The following TMEFF2 variants were observed in gnomAD, a reference collection of about 807,000 sequenced individuals.
TMEFF2 encodes the protein tomoregulin-2.
Under a neutral mutation model 53.8 loss-of-function variants are expected in TMEFF2, and 28 were observed. The observed-to-expected ratio is 0.52, with a 90% CI of 0.39 to 0.71. The LOEUF (loss-of-function observed/expected upper bound fraction) is 0.71, where lower values mean the gene tolerates loss of function less well. Ranked by LOEUF, TMEFF2 falls within the 30% of genes least tolerant of loss-of-function variation. TMEFF2 has a pLI of 0.00. For synonymous variants in TMEFF2, 162 were observed against 166.3 expected (o/e 0.97, Z 0.20); for missense variants, 353 against 455.2 (o/e 0.78, Z 2.04).
chr2:191,988,219 A>C (rs1002884234), intron 7 of TMEFF2, among the ~76,000 whole-genome samples: 1 of 152,198 alleles, frequency 6.6e-6, no homozygotes, highest in Non-Finnish European at 1.5e-5. Flanking sequence ...TATTAAAACC[A>C]TCTTACAGAT....
In TMEFF2 at chr2:192,194,641, G is replaced by A; in HGVS notation, c.-117C>T. ...CGGCGGCAGCAGAGGCGGCGGCGGT[G>A]GCAGTGGCACCCGGCGGGGAAGCAG... On this transcript the variant is annotated 5_prime_UTR_variant, in exon 1 of 10. Transcript: ENST00000272771. The surrounding 1 kb of genome is among the most constrained non-coding windows in gnomAD (Gnocchi z 4.2). The A allele has an allele frequency of 8.4e-7, 1 of 1,187,720 alleles. No homozygotes were observed. The highest frequency in any genetic ancestry group is 1.2e-6 in the Non-Finnish European group (1 of 840,440). 73.6% of individuals were successfully genotyped at this position (1,187,720 alleles called of 1,614,324 possible).
intron 4 of TMEFF2, among the ~76,000 whole-genome samples, chr2:192,115,377 C>T (rs1303067443): frequency 1.3e-5 from 2 of 151,846 alleles, no homozygotes; most frequent in Non-Finnish European, 2.9e-5. Context: ...AAAATTCCTA[C>T]AAGAAAACAT....
chr2:192,016,617 AAGTCC>A (rs1262784223), intron 5 of TMEFF2, among the ~76,000 whole-genome samples: 1 of 152,216 alleles, frequency 6.6e-6, no homozygotes, highest in Non-Finnish European at 1.5e-5. Context: ...TAGTTATTAG[AAGTCC>A]AGTAAAACTG....
intron 7 of TMEFF2, among the ~76,000 whole-genome samples, chr2:191,975,414 T>C (rs1252723546): frequency 4.6e-5 from 7 of 150,784 alleles, no homozygotes; most frequent in Admixed American, 1.3e-4. Flanking sequence ...CTGATTTCCC[T>C]CAACTTTCTC....
intron 7 of TMEFF2, among the ~76,000 whole-genome samples, chr2:191,976,626 T>C (rs1474420190): frequency 1.3e-5 from 2 of 152,212 alleles, no homozygotes; most frequent in Admixed American, 6.5e-5. Context: ...ATTTCCTTCA[T>C]TCCTCAAGGC....
At chr2:192,046,161 T>A (rs1687615654) in intron 5 of TMEFF2, among the ~76,000 whole-genome samples, 1 of 152,206 alleles carries the variant, frequency 6.6e-6, no homozygotes, top group Middle Eastern at 3.4e-3. Context: ...GGTCAGGAGT[T>A]CGAGACCAAC....
chr2:192,014,382 T>C (rs1022918779), intron 5 of TMEFF2, among the ~76,000 whole-genome samples: 1 of 152,200 alleles, frequency 6.6e-6, no homozygotes, highest in African/African-American at 2.4e-5. Flanking sequence ...TTATATAATT[T>C]TCATATTTTT....
intron 4 of TMEFF2, among the ~76,000 whole-genome samples, chr2:192,066,569 A>G (rs1162399961): frequency 6.6e-6 from 1 of 151,884 alleles, no homozygotes; most frequent in African/African-American, 2.4e-5. Flanking sequence ...GCTTCTTTAG[A>G]AATCACATAT....
intron 7 of TMEFF2, among the ~76,000 whole-genome samples, chr2:191,966,886 G>A (rs1422433915): frequency 6.6e-6 from 1 of 151,840 alleles, no homozygotes; most frequent in Non-Finnish European, 1.5e-5. Context: ...GAACTGGAGG[G>A]GTTTTTATAA....
At chr2:191,964,210 CTCTT>C (rs376090087) in intron 7 of TMEFF2, among the ~76,000 whole-genome samples, 47 of 148,676 alleles carry the variant, frequency 3.2e-4, no homozygotes, top group East Asian at 1.8e-3. Context: ...CTTTCTTTCT[CTCTT>C]TCTGTCTGTC....
intron 5 of TMEFF2, among the ~76,000 whole-genome samples, chr2:192,022,371 A>G (rs905768256): frequency 6.6e-6 from 1 of 152,206 alleles, no homozygotes; most frequent in Admixed American, 6.5e-5. Flanking sequence ...CTTGACTCAC[A>G]TTCAACTTTT....
intron 4 of TMEFF2, among the ~76,000 whole-genome samples, chr2:192,168,611 C>T (rs1690828745): frequency 6.6e-6 from 1 of 152,076 alleles, no homozygotes; most frequent in African/African-American, 2.4e-5. Context: ...AGCTTGCAAA[C>T]CATTTTTGCT....
At chr2:192,062,748 C>T (rs1170767194) in intron 4 of TMEFF2, among the ~76,000 whole-genome samples, 2 of 151,958 alleles carry the variant, frequency 1.3e-5, no homozygotes, top group Non-Finnish European at 2.9e-5. Context: ...TAATATATTG[C>T]TGGATTTCAT....
chr2:192,052,866 G>A (rs1364409313), intron 5 of TMEFF2, among the ~76,000 whole-genome samples: 3 of 152,194 alleles, frequency 2.0e-5, no homozygotes, highest in Admixed American at 6.5e-5. Flanking sequence ...TCTATTATGA[G>A]AATGGATGTA....
rs1258473625 is a variant in TMEFF2 at position 192,075,302 on chromosome 2, T to TAAATATAA, written c.440-17528_440-17527insTTATATTT. ...CAGTACTATTATATATATATATATA[T>TAAATATAA]ATATATATATATATATATATATATA... On this transcript the variant is annotated intron_variant, in intron 4 of 9. Coordinates refer to ENST00000272771, the MANE Select transcript of TMEFF2 (RefSeq NM_016192.4). Among the ~76,000 whole-genome samples, 16 of 38,088 alleles carry TAAATATAA rather than the reference T, an allele frequency of 4.2e-4. 1 individual carries two copies. Among genetic ancestry groups the TAAATATAA allele is most frequent in the Admixed American group, 1.1e-3 (3 of 2,732 alleles). The allele number at this position is 38,088 out of a possible 152,430, so 25.0% of individuals were successfully genotyped here.
chr2:192,015,559 A>C (rs537284144), intron 5 of TMEFF2, among the ~76,000 whole-genome samples: 29 of 152,182 alleles, frequency 1.9e-4, no homozygotes, highest in Non-Finnish European at 2.2e-4. Flanking sequence ...CAAGCCTTTA[A>C]AATATAATAC....
intron 4 of TMEFF2, among the ~76,000 whole-genome samples, chr2:192,114,064 T>TTGTGTGTGTGTG (rs34553641): frequency 1.7e-4 from 24 of 143,168 alleles, no homozygotes; most frequent in African/African-American, 5.4e-4. Context: ...AATCTGGAAA[T>TTGTGTGTGTGTG]TGTGTGTGTG....
chr2:192,165,498 A>G (rs192856739), intron 4 of TMEFF2, among the ~76,000 whole-genome samples: 166 of 152,284 alleles, frequency 1.1e-3, no homozygotes, highest in Non-Finnish European at 2.0e-3. Flanking sequence ...GGGCTTATCA[A>G]TTATGGGAGA....
chr2:191,977,082 T>C (rs115600531), intron 7 of TMEFF2, among the ~76,000 whole-genome samples: 1 of 152,248 alleles, frequency 6.6e-6, no homozygotes, highest in Admixed American at 6.5e-5. Context: ...AAAGTGGCTG[T>C]TATATTATTT....
Sources: allele counts gnomAD v4.1 joint callset (sites outside exome capture counted in the v4.1 genomes callset), GRCh38; gene constraint gnomAD v4.1.1; non-coding constraint Gnocchi (gnomAD v3.1); transcripts MANE v1.5; gene names NCBI Gene and HGNC (gene_info 2026-07-23, HGNC 2026-07-21).